The following ADGRG5 variants were observed in gnomAD, a reference collection of about 807,000 sequenced individuals.
ADGRG5 encodes adhesion G protein-coupled receptor G5.
ADGRG5 carries 37 observed loss-of-function variants against 53.2 expected under a neutral mutation model. That is an observed-to-expected ratio of 0.70 (90% CI 0.53 to 0.91). ADGRG5 has a LOEUF of 0.91. Ranked by LOEUF, ADGRG5 falls within the 40% of genes least tolerant of loss-of-function variation. The pLI is 0.00. For missense variants in ADGRG5, 614 were observed against 675.8 expected (o/e 0.91, Z 1.01); for synonymous variants, 277 against 290.4 (o/e 0.95, Z 0.47).
upstream of ADGRG5, among the ~76,000 whole-genome samples, chr16:57,540,877 A>G (rs560147813): frequency 1.4e-4 from 21 of 151,698 alleles, no homozygotes; most frequent in East Asian, 3.1e-3. Context: ...TGCAACCTCC[A>G]CCTCCCGGGT....
chr16:57,560,881 C>T (rs562149443), intron 1 of ADGRG5, among the ~76,000 whole-genome samples: 181 of 152,238 alleles, frequency 1.2e-3, no homozygotes, highest in Non-Finnish European at 2.0e-3. Context: ...ATCTCCTGGG[C>T]AGGATCCACC....
rs931315350 is a variant in ADGRG5 at position 57,563,996 on chromosome 16, G to A, written c.429+17G>A. ...TTTTTCAAGGTCAGTGTGATGGCGG[G>A]CCAAGGAGGGTGGGTGCCGGCCCCT... On this transcript the variant is annotated intron_variant, in intron 5 of 11. Transcript: ENST00000349457. 1.2e-6 allele frequency: 2 copies of A among 1,605,270 alleles called. No individual in the cohort carries two copies. Among genetic ancestry groups the A allele is most frequent in the Non-Finnish European group, 1.7e-6 (2 of 1,173,058 alleles).
rs202222973 is a variant in ADGRG5 at position 57,565,190 on chromosome 16, C to G, written c.546+40C>G. ...GCCCCCGTTTCCACTGCACCCCTGC[C>G]CCTCTGTGACTCTCCTGTTGAACAC... On this transcript the variant is annotated intron_variant, in intron 6 of 11. Coordinates refer to ENST00000349457, the MANE Select transcript of ADGRG5 (RefSeq NM_001304376.3). 1.9e-4 allele frequency: 224 copies of G among 1,165,896 alleles called. No individual in the cohort carries two copies. The African/African-American group carries it at 2.5e-3, about 13-fold the overall frequency. 72.2% of individuals were successfully genotyped at this position (1,165,896 alleles called of 1,614,324 possible). A position where few individuals can be genotyped will look rare whatever the true frequency, so the allele number is the denominator to read the frequency against.
At chr16:57,541,631 A>G (rs1246876734), upstream of ADGRG5, among the ~76,000 whole-genome samples, 1 of 152,200 alleles carries the variant, frequency 6.6e-6, no homozygotes, top group South Asian at 2.1e-4. Flanking sequence ...CGGGGAGACC[A>G]TGTTAGGACC....
In ADGRG5 at chr16:57,574,873, A is replaced by T; in HGVS notation, c.1267A>T (p.Thr423Ser). 6.2e-7 allele frequency: 1 copy of T among 1,611,544 alleles called. No homozygotes were observed. Among genetic ancestry groups the T allele is most frequent in the South Asian group, 1.1e-5 (1 of 91,022 alleles). Residue 423 changes from threonine (T) to serine (S), a missense_variant, in exon 11 of 12, where the codon ACG (threonine) becomes TCG (serine). By Grantham distance (58) the Thr-to-Ser change is moderately conservative. Transcript: ENST00000349457. The surrounding 1 kb of genome is among the most constrained non-coding windows in gnomAD (Gnocchi z 4.4). ...CCTGGTCATGGGCTACGGCGGCCTCACGTCCCTCTTCAACCTGGTGGTGCT... is the reference window on the plus strand; with the variant it reads ...CCTGGTCATGGGCTACGGCGGCCTCTCGTCCCTCTTCAACCTGGTGGTGCT... The part of the protein sequence containing the change: ...SVLVMGYGGL[T>S]SLFNLVVLAW...
At chr16:57,534,035 G>A in the ADGRG5 span, among the ~76,000 whole-genome samples, 1 of 152,222 alleles carries the variant, frequency 6.6e-6, no homozygotes, top group African/African-American at 2.4e-5. Flanking sequence ...CAGCCAGACA[G>A]GTCTATTACT....
At chr16:57,563,633 G>T (rs529792609) in intron 4 of ADGRG5, among the ~76,000 whole-genome samples, 12 of 152,334 alleles carry the variant, frequency 7.9e-5, no homozygotes, top group Non-Finnish European at 1.8e-4. Flanking sequence ...ATCTTCAGGG[G>T]TTCAGTGGGT....
chr16:57,558,909 A>G (rs1184285814), intron 1 of ADGRG5, among the ~76,000 whole-genome samples: 7 of 149,004 alleles, frequency 4.7e-5, no homozygotes, highest in African/African-American at 7.5e-5. Context: ...CAGTGGTGCT[A>G]TCACGGCTCA....
Position 57,575,541 on chromosome 16 carries a change from C to T in ADGRG5, c.*3C>T, listed in dbSNP as rs375578046. The T allele has an allele frequency of 2.6e-5, 42 of 1,611,342 alleles. 1 individual carries two copies. The highest frequency in any genetic ancestry group is 5.5e-5 in the South Asian group (5 of 91,018). On this transcript the variant is annotated 3_prime_UTR_variant, in exon 12 of 12. Transcript: ENST00000349457. ...GCTCCTCCCAAACAACACAGTAGTC[C>T]GGGCCTCCTGGCCTGGAATCCTCAG... is the stretch of plus-strand genomic sequence containing the variant.
At chr16:57,544,983 A>G (rs1428097757) in intron 1 of ADGRG5, among the ~76,000 whole-genome samples, 1 of 151,680 alleles carries the variant, frequency 6.6e-6, no homozygotes, top group Non-Finnish European at 1.5e-5. Flanking sequence ...TCCCTATGTT[A>G]CTCTGGCTGG....
chr16:57,567,610 G>A lies in ADGRG5; in HGVS notation c.821+19G>A, dbSNP rs755092086. On this transcript the variant is annotated intron_variant, in intron 8 of 11. Coordinates refer to ENST00000349457, the MANE Select transcript of ADGRG5 (RefSeq NM_001304376.3). Reference sequence around the variant, plus strand: ...ATTTCAGGTATTCCGCTGCCACAGTGCTGGGCCTGCCCTGCACTGTGGCAC... The same window carrying A: ...ATTTCAGGTATTCCGCTGCCACAGTACTGGGCCTGCCCTGCACTGTGGCAC... 8.7e-6 allele frequency: 14 copies of A among 1,607,072 alleles called. No homozygotes were observed. The Middle Eastern group carries it at 9.9e-4, about 113-fold the overall frequency.
At chr16:57,559,093 G>C (rs2032945703) in intron 1 of ADGRG5, among the ~76,000 whole-genome samples, 1 of 150,096 alleles carries the variant, frequency 6.7e-6, no homozygotes, top group South Asian at 2.1e-4. Flanking sequence ...CAAGCAATTT[G>C]CCTACCTCGG....
At chr16:57,536,068 G>A in the ADGRG5 span, among the ~76,000 whole-genome samples, 4 of 145,624 alleles carry the variant, frequency 2.7e-5, no homozygotes, top group Non-Finnish European at 6.0e-5. Context: ...CCACCCCACC[G>A]CATGGCCCCC....
chr16:57,546,314 C>T (rs1457044793), intron 1 of ADGRG5, among the ~76,000 whole-genome samples: 1 of 152,150 alleles, frequency 6.6e-6, no homozygotes, highest in Admixed American at 6.5e-5. Context: ...TTAGTAGAGA[C>T]AAGATCTTGC....
chr16:57,563,025 A>T (rs1328491654), intron 3 of ADGRG5, 66 bp from the exon 4 acceptor site: 1 of 1,568,908 alleles, frequency 6.4e-7, no homozygotes, highest in Non-Finnish European at 8.7e-7. Flanking sequence ...CAGGCTGTCT[A>T]CAGCCCCCTC....
At position 57,575,086 on chromosome 16, in the gene ADGRG5, C is replaced by T. The variant is rs993203802; in HGVS notation, c.1480C>T (p.Leu494Phe). 6.2e-7 allele frequency: 1 copy of T among 1,611,974 alleles called. No homozygotes were observed. The highest frequency in any genetic ancestry group is 1.1e-5 in the South Asian group (1 of 90,732). The stretch of plus-strand genomic sequence containing the variant: ...GTTCCTCTTCACCATCTTAAACTCG[C>T]TCTACGGTAGGGCTGGAGGGCGGCC... ...QLFLFTILNS[L>F]YGFFLFLWFC... The change falls in exon 11 of 12, where the codon CTC (leucine) becomes TTC (phenylalanine). Residue 494 changes from leucine (L) to phenylalanine (F), a missense_variant. Physicochemically the swap from Leu to Phe is conservative, Grantham distance 22. Coordinates refer to ENST00000349457, the MANE Select transcript of ADGRG5 (RefSeq NM_001304376.3).
In ADGRG5 at chr16:57,566,662, T is replaced by A. The variant is rs1362478792; in HGVS notation, c.610T>A (p.Trp204Arg). The change falls in exon 7 of 12, where the codon TGG becomes AGG. Residue 204 changes from tryptophan (W) to arginine (R), a missense_variant. Transcript: ENST00000349457. Reference protein sequence around the residue: ...EGARKQPWGGWSPEGCRTEQP... With the variant: ...EGARKQPWGGRSPEGCRTEQP... ...AGCCAGGAAACAGCCCTGGGGGGGC[T>A]GGAGCCCTGAGGGCTGTCGTACAGA... 2 of 1,592,632 alleles carry A rather than the reference T, an allele frequency of 1.3e-6. No homozygotes were observed. The highest frequency in any genetic ancestry group is 1.1e-5 in the South Asian group (1 of 87,992).
chr16:57,536,309 T>C, the ADGRG5 span, among the ~76,000 whole-genome samples: 1 of 150,450 alleles, frequency 6.6e-6, no homozygotes, highest in Non-Finnish European at 1.5e-5. Context: ...TTCCGGGGGC[T>C]GAGGGAGGCC....
the ADGRG5 span, among the ~76,000 whole-genome samples, chr16:57,530,686 C>T: frequency 1.3e-5 from 2 of 152,124 alleles, no homozygotes; most frequent in Non-Finnish European, 2.9e-5. Context: ...TTCCTTGAGC[C>T]GAAGGCCTCC....
Sources: allele counts gnomAD v4.1 joint callset (sites outside exome capture counted in the v4.1 genomes callset), GRCh38; gene constraint gnomAD v4.1.1; non-coding constraint Gnocchi (gnomAD v3.1); transcripts MANE v1.5; gene names NCBI Gene and HGNC (gene_info 2026-07-23, HGNC 2026-07-21).